Variants in DNAH8 observed in about 807,000 individuals in gnomAD.
DNAH8 encodes dynein axonemal heavy chain 8, also known as axonemal beta dynein heavy chain 8.
In DNAH8, 382 loss-of-function variants were observed where a neutral mutation model predicts 562.1. The observed-to-expected ratio is 0.68, with a 90% confidence interval of 0.63 to 0.74. DNAH8 has a LOEUF of 0.74. DNAH8 is among the 30% of genes least tolerant of loss of function. The pLI, the probability that DNAH8 is intolerant of heterozygous loss-of-function variation, is 0.00. For synonymous variants in DNAH8, 1,881 were observed against 1,919.4 expected (o/e 0.98, Z 0.52); for missense variants, 5,203 against 5,620.4 (o/e 0.93, Z 2.37).
At position 38,734,581 on chromosome 6, in the gene DNAH8, C is replaced by T. The variant is rs145773185; in HGVS notation, c.718C>T (p.Arg240Cys). The T allele has an allele frequency of 3.5e-5, 56 of 1,613,352 alleles. No homozygotes were observed. Among genetic ancestry groups the T allele is most frequent in the Admixed American group, 1.5e-4 (9 of 59,962 alleles). ...AAAAGGACTGTGCATATTTTTTGTT[C>T]GTTGCCGTAATGATGTTGCTATAAA... ...KLKGLCIFFV[R>C]CRNDVAINVK... Residue 240 changes from arginine (R) to cysteine (C), a missense_variant, in exon 5 of 93, where the codon CGT becomes TGT. Coordinates refer to ENST00000327475, the MANE Select transcript of DNAH8 (RefSeq NM_001206927.2).
rs1350344298 is a variant in DNAH8, at chr6:38,842,479, T to C, written c.4578T>C (p.Asn1526=). ...LWGDVDIEKI[N]AELLEFQNRC... ...GAGATGTAGATATTGAAAAAATTAA[T>C]GCAGAACTGCTGGAATTTCAAAACA... Residue 1526 remains asparagine, a synonymous_variant, in exon 34 of 93, where the codon AAT becomes AAC. Transcript: ENST00000327475. 5.0e-6 allele frequency: 8 copies of C among 1,611,530 alleles called. No homozygotes were observed. The highest frequency in any genetic ancestry group is 6.8e-6 in the Non-Finnish European group (8 of 1,179,446).
intron 52 of DNAH8, among the ~76,000 whole-genome samples, chr6:38,873,754 A>G (rs1440826112): frequency 6.0e-5 from 4 of 66,968 alleles, no homozygotes; most frequent in African/African-American, 1.4e-4. Context: ...ACACACACAC[A>G]CACACACACA....
chr6:38,989,114 G>A (rs1362564172), intron 87 of DNAH8, among the ~76,000 whole-genome samples: 1 of 152,198 alleles, frequency 6.6e-6, no homozygotes. Context: ...TCTAAAAAGA[G>A]CTGGAGGAAG....
rs923620033 is a variant in DNAH8, at chr6:38,957,291, A to AAT, written c.12451+5780_12451+5781dup. 5.4e-5 allele frequency among the ~76,000 whole-genome samples: 8 copies of AAT among 148,904 alleles called. No individual in the cohort carries two copies. In the South Asian group the frequency reaches 1.0e-3, roughly 19 times the overall value. On this transcript the variant is annotated intron_variant, in intron 82 of 92. Transcript: ENST00000327475. The stretch of plus-strand genomic sequence containing the variant: ...AAGTGTATAAAGATATATAAAAATT[A>AAT]ATATATATATTAATTATAATAAAAG...
intron 15 of DNAH8, among the ~76,000 whole-genome samples, chr6:38,781,034 T>G (rs960668645): frequency 1.3e-5 from 2 of 152,106 alleles, no homozygotes; most frequent in African/African-American, 4.8e-5. Flanking sequence ...AAAATACATG[T>G]AATAGGAAAT....
At chr6:38,868,310 A>G (rs1777215370) in intron 48 of DNAH8, 114 bp downstream of exon 48, 4 of 1,046,682 alleles carry the variant, frequency 3.8e-6, no homozygotes, top group Non-Finnish European at 5.5e-6. Context: ...TTACAGGGAT[A>G]ATAAGTGTGC....
chr6:38,801,070 T>A (rs998992904), intron 21 of DNAH8, among the ~76,000 whole-genome samples: 1 of 152,180 alleles, frequency 6.6e-6, no homozygotes. Context: ...ATTTATCAAT[T>A]TTTTTCTTTT....
In DNAH8 at chr6:38,886,921, A is replaced by C; in HGVS notation, c.8390A>C (p.Asn2797Thr). The C allele has an allele frequency of 6.2e-7, 1 of 1,614,074 alleles. No individual in the cohort carries two copies. The highest frequency in any genetic ancestry group is 8.5e-7 in the Non-Finnish European group (1 of 1,179,942). ...ATGATCCACCCTGGAGGTGGTCGAA[A>C]TGATATTCCACAACGTTTAAAAAGA... ...AAMIHPGGGR[N>T]DIPQRLKRQF... is the part of the protein sequence containing the mutation. Residue 2797 changes from asparagine to threonine, a missense_variant, in exon 57 of 93, where the codon AAT becomes ACT. Asn to Thr is a moderately conservative substitution (Grantham distance 65). Around this residue, in one of 6 missense-constraint regions of DNAH8, gnomAD observed 977 missense variants for 1,061.8 expected, o/e 0.92. Transcript: ENST00000327475.
chr6:38,829,218 T>C (rs1171844432), intron 30 of DNAH8, among the ~76,000 whole-genome samples: 1 of 152,166 alleles, frequency 6.6e-6, no homozygotes, highest in Non-Finnish European at 1.5e-5. Context: ...AAGAATTCTT[T>C]ATATATTATG....
At chr6:38,793,787 T>C (rs910073601) in intron 21 of DNAH8, among the ~76,000 whole-genome samples, 7 of 152,136 alleles carry the variant, frequency 4.6e-5, no homozygotes, top group African/African-American at 1.7e-4. Context: ...CTTTAGACAT[T>C]AAAAAATATT....
At chr6:38,930,693 A>G (rs1206117139) in intron 75 of DNAH8, among the ~76,000 whole-genome samples, 2 of 152,174 alleles carry the variant, frequency 1.3e-5, no homozygotes, top group African/African-American at 4.8e-5. Flanking sequence ...CTCATCCACA[A>G]TTTTGAACTG....
chr6:38,827,730 AAACTTTTTTTTTT>A (rs1773472250), intron 29 of DNAH8, among the ~76,000 whole-genome samples: 1 of 45,646 alleles, frequency 2.2e-5, no homozygotes, highest in Non-Finnish European at 4.1e-5. Context: ...ATTCTTTACC[AAACTTTTTTTTTT>A]TTTTTTTTTT....
intron 1 of DNAH8, among the ~76,000 whole-genome samples, chr6:38,720,311 C>T (rs771397364): frequency 6.6e-6 from 1 of 152,158 alleles, no homozygotes; most frequent in Non-Finnish European, 1.5e-5. Context: ...TTCCTGGAAA[C>T]TCTGCTCTGT....
chr6:39,003,164 G>A (rs1422059845), intron 88 of DNAH8, among the ~76,000 whole-genome samples: 2 of 152,160 alleles, frequency 1.3e-5, no homozygotes, highest in Non-Finnish European at 2.9e-5. Flanking sequence ...GCCAATTCGT[G>A]TGGCAAATTT....
intron 8 of DNAH8, among the ~76,000 whole-genome samples, chr6:38,742,235 C>T (rs1487408395): frequency 6.6e-6 from 1 of 152,118 alleles, no homozygotes; most frequent in Non-Finnish European, 1.5e-5. Flanking sequence ...CATCTCATCC[C>T]CATGATTCTA....
chr6:38,789,673 A>T, intron 18 of DNAH8, 130 bp from the exon 19 acceptor site: 2 of 617,814 alleles, frequency 3.2e-6, no homozygotes, highest in Non-Finnish European at 5.6e-6. Context: ...GCATAAGTTT[A>T]AATGGGCAGC....
At chr6:38,782,177 T>C (rs1441455361) in intron 16 of DNAH8, among the ~76,000 whole-genome samples, 1 of 152,068 alleles carries the variant, frequency 6.6e-6, no homozygotes, top group East Asian at 1.9e-4. Context: ...CAGTTGCTGA[T>C]TGACTTTGTG....
chr6:38,923,883 A>G (rs1262044006), intron 72 of DNAH8, 108 bp from the exon 73 acceptor site: 13 of 1,230,852 alleles, frequency 1.1e-5, no homozygotes, highest in South Asian at 2.6e-5. Flanking sequence ...AGCATTAAGC[A>G]GGGGCAAAGA....
At chr6:38,907,233 G>A (rs369892134) in intron 63 of DNAH8, among the ~76,000 whole-genome samples, 34 of 152,288 alleles carry the variant, frequency 2.2e-4, no homozygotes, top group African/African-American at 7.9e-4. Context: ...TTGCCAAGGG[G>A]CCATGCAGAA....
Sources: gnomAD v4.1 joint callset for allele counts (sites outside exome capture counted in the v4.1 genomes callset) on GRCh38, gnomAD v4.1.1 for gene constraint, gnomAD v4.1.1 regional missense constraint, MANE v1.5 for transcripts, NCBI Gene and HGNC (gene_info 2026-07-23, HGNC 2026-07-21) for gene names.